The following SORCS2 variants were observed in gnomAD, a reference collection of about 807,000 sequenced individuals.
SORCS2 encodes VPS10 domain-containing receptor SorCS2.
A neutral mutation model predicts 141.6 loss-of-function variants in SORCS2; 100 were observed. That is an observed-to-expected ratio of 0.71 (90% CI 0.60 to 0.83). The LOEUF (loss-of-function observed/expected upper bound fraction) is 0.83, where lower values mean the gene tolerates loss of function less well. Among genes scored for constraint, SORCS2 ranks in the 40% least tolerant of loss-of-function variants. The pLI, the probability that SORCS2 is intolerant of heterozygous loss-of-function variation, is 0.00. For synonymous variants in SORCS2, 789 were observed against 676.9 expected (o/e 1.17, Z -2.57); for missense variants, 1,646 against 1,560.2 (o/e 1.05, Z -0.93).
At chr4:7,500,769 G>A (rs1229675230) in intron 2 of SORCS2, among the ~76,000 whole-genome samples, 1 of 152,192 alleles carries the variant, frequency 6.6e-6, no homozygotes, top group African/African-American at 2.4e-5. Context: ...GGGAGGCCCT[G>A]GCTGCTGGAG....
intron 4 of SORCS2, among the ~76,000 whole-genome samples, chr4:7,647,606 T>G (rs936601531): frequency 1.3e-5 from 2 of 152,172 alleles, no homozygotes; most frequent in South Asian, 4.1e-4. Flanking sequence ...GTCTGTAGTT[T>G]TCAAGGCGAG....
Position 7,268,484 on chromosome 4 carries a change from T to C in SORCS2, c.480+75358T>C, listed in dbSNP as rs7673488. Among the ~76,000 whole-genome samples, 91 of 152,318 alleles carry C rather than the reference T, an allele frequency of 6.0e-4. 2 individuals are homozygous for C. In the Middle Eastern group the frequency reaches 0.024, roughly 40 times the overall value. ...GTCAAACTGAAGGAAGCTGTGCCGA[T>C]GGCCACCCCAGATCAGGTGCCGTCG... On this transcript the variant is annotated intron_variant, in intron 1 of 26. Transcript: ENST00000507866.
chr4:7,508,042 G>A (rs1250703869), intron 2 of SORCS2, among the ~76,000 whole-genome samples: 1 of 152,122 alleles, frequency 6.6e-6, no homozygotes, highest in Non-Finnish European at 1.5e-5. Flanking sequence ...GACGGGTACA[G>A]GTGCAGGTGT....
At chr4:7,216,224 G>C (rs538692215) in intron 1 of SORCS2, among the ~76,000 whole-genome samples, 1 of 152,312 alleles carries the variant, frequency 6.6e-6, no homozygotes, top group Non-Finnish European at 1.5e-5. Flanking sequence ...GTGAGACCAA[G>C]AACCCACCAA....
intron 3 of SORCS2, among the ~76,000 whole-genome samples, chr4:7,545,495 G>T (rs537134334): frequency 2.6e-5 from 4 of 152,282 alleles, no homozygotes; most frequent in East Asian, 3.9e-4. Flanking sequence ...ACAGGGACCT[G>T]CCCATGGGCG....
intron 2 of SORCS2, among the ~76,000 whole-genome samples, chr4:7,443,324 T>G (rs1424694998): frequency 6.6e-6 from 1 of 152,180 alleles, no homozygotes; most frequent in African/African-American, 2.4e-5. Flanking sequence ...GGAGGCCACC[T>G]GTGGTGCACA....
chr4:7,433,834 T>C, intron 2 of SORCS2: 1 of 1,613,856 alleles, frequency 6.2e-7, no homozygotes, highest in South Asian at 1.1e-5. Flanking sequence ...GGCCACAAGC[T>C]GCACCAAGGA....
chr4:7,568,345 G>T (rs948730943), intron 3 of SORCS2, among the ~76,000 whole-genome samples: 1 of 152,238 alleles, frequency 6.6e-6, no homozygotes, highest in African/African-American at 2.4e-5. Flanking sequence ...AAGTATTTAT[G>T]TCCTGATACC....
chr4:7,243,565 A>G (rs1167195697), intron 1 of SORCS2, among the ~76,000 whole-genome samples: 1 of 152,190 alleles, frequency 6.6e-6, no homozygotes, highest in Admixed American at 6.5e-5. Context: ...TTCCTCTGGC[A>G]TCTCATGATG....
intron 2 of SORCS2, among the ~76,000 whole-genome samples, chr4:7,527,449 G>A (rs879832419): frequency 5.3e-5 from 8 of 152,208 alleles, no homozygotes; most frequent in Admixed American, 1.3e-4. Context: ...AGAGTGGAGC[G>A]ATAGACTCTG....
chr4:7,441,351 C>T (rs1448881407), intron 2 of SORCS2, among the ~76,000 whole-genome samples: 5 of 152,130 alleles, frequency 3.3e-5, no homozygotes, highest in African/African-American at 9.7e-5. Flanking sequence ...GGGAAAGGCA[C>T]TGCATACAGA....
At position 7,201,311 on chromosome 4, in the gene SORCS2, A is replaced by G. The variant is rs1030710966; in HGVS notation, c.480+8185A>G. ...AGAAGCCTGGCTCGAAGTCATAGAG[A>G]CAGCCCTGTTAATAAAGTTGCTGAG... On this transcript the variant is annotated intron_variant, in intron 1 of 26. Transcript: ENST00000507866. This position sits in a 1 kb window ranked among gnomAD's most constrained non-coding sequence, Gnocchi z 4.4. Among the ~76,000 whole-genome samples the G allele has an allele frequency of 5.3e-5, 8 of 152,224 alleles. No individual in the cohort carries two copies. Among genetic ancestry groups the G allele is most frequent in the African/African-American group, 1.9e-4 (8 of 41,460 alleles).
At chr4:7,271,228 G>A (rs898335239) in intron 1 of SORCS2, among the ~76,000 whole-genome samples, 17 of 152,232 alleles carry the variant, frequency 1.1e-4, no homozygotes, top group Middle Eastern at 3.4e-3. Context: ...TGGGGATGTC[G>A]CTCCTCCACT....
intron 1 of SORCS2, among the ~76,000 whole-genome samples, chr4:7,335,105 C>T (rs1379916387): frequency 6.6e-6 from 1 of 152,154 alleles, no homozygotes; most frequent in Non-Finnish European, 1.5e-5. Context: ...TCCCATTCTG[C>T]AGCACCCGGC....
chr4:7,465,624 T>C (rs1188007939), intron 2 of SORCS2, among the ~76,000 whole-genome samples: 1 of 152,238 alleles, frequency 6.6e-6, no homozygotes, highest in African/African-American at 2.4e-5. Context: ...TTTTCTCCTT[T>C]ATAAAGATAC....
intron 3 of SORCS2, among the ~76,000 whole-genome samples, chr4:7,578,009 G>A (rs918750159): frequency 9.2e-5 from 14 of 152,206 alleles, no homozygotes; most frequent in African/African-American, 2.4e-4. Context: ...GCCAAAACTC[G>A]TGTTGAAATT....
At chr4:7,479,023 C>T (rs1730469004) in intron 2 of SORCS2, among the ~76,000 whole-genome samples, 1 of 152,180 alleles carries the variant, frequency 6.6e-6, no homozygotes, top group Non-Finnish European at 1.5e-5. Flanking sequence ...GTCAAAGCTT[C>T]TCTAGAAGGA....
intron 2 of SORCS2, among the ~76,000 whole-genome samples, chr4:7,486,136 G>T (rs985619377): frequency 6.6e-6 from 1 of 152,250 alleles, no homozygotes; most frequent in Middle Eastern, 3.4e-3. Flanking sequence ...CCTCGTGCGC[G>T]TGACAGGGAC....
intron 4 of SORCS2, among the ~76,000 whole-genome samples, chr4:7,642,086 T>C (rs1226793233): frequency 6.6e-6 from 1 of 152,132 alleles, no homozygotes; most frequent in Non-Finnish European, 1.5e-5. Context: ...GAATGATAAA[T>C]TTCTACCAAC....
Sources: gnomAD v4.1 joint callset for allele counts (sites outside exome capture counted in the v4.1 genomes callset) on GRCh38, gnomAD v4.1.1 for gene constraint, Gnocchi (gnomAD v3.1) non-coding constraint, MANE v1.5 for transcripts, NCBI Gene and HGNC (gene_info 2026-07-23, HGNC 2026-07-21) for gene names.